The following BBS5 variants were observed in gnomAD, a reference collection of about 807,000 sequenced individuals.
BBS5 encodes the protein Bardet-Biedl syndrome 5, also known as BBSome complex member BBS5.
BBS5 carries 39 observed loss-of-function variants against 50.2 expected under a neutral mutation model. That is an observed-to-expected ratio of 0.78 (90% CI 0.60 to 1.01). BBS5 has a LOEUF of 1.01. Ranked by LOEUF, BBS5 falls within the 50% of genes least tolerant of loss-of-function variation. The pLI is 0.00. For synonymous variants in BBS5, 134 were observed against 133.1 expected, an observed-to-expected ratio of 1.01 and a Z score of -0.05; for missense variants, 356 against 401.5, an observed-to-expected ratio of 0.89 and a Z score of 0.97.
Position 169,493,788 on chromosome 2 carries a change from T to G in BBS5, c.570T>G (p.His190Gln). 1.9e-6 allele frequency: 3 copies of G among 1,613,204 alleles called. No individual in the cohort carries two copies. The East Asian group carries it at 6.7e-5, about 36-fold the overall frequency. ...TTACCAATGTGAGAATTGTGTGGCA[T>G]GCAAATATGAATGATAGTTTTAATG... ...FFITNVRIVW[H>Q]ANMNDSFNVS... Residue 190 changes from histidine (H) to glutamine (Q), a missense_variant, in exon 7 of 12, where the codon CAT becomes CAG. By Grantham distance (24) the His-to-Gln change is conservative. Transcript: ENST00000295240.
At chr2:169,503,313 A>G (rs1235420958) in intron 10 of BBS5, 135 bp downstream of exon 10, 2 of 740,522 alleles carry the variant, frequency 2.7e-6, no homozygotes, top group East Asian at 5.5e-5. Context: ...TGAAGATAAT[A>G]TTTTTAGTGA....
chr2:169,487,171 A>T, intron 3 of BBS5, 37 bp downstream of exon 3: 2 of 1,455,316 alleles, frequency 1.4e-6, no homozygotes, highest in Non-Finnish European at 1.9e-6. Context: ...AAGAAAAAAA[A>T]TCCTTTGTCA....
Position 169,487,770 on chromosome 2 carries a change from A to G in BBS5, c.209-36A>G, listed in dbSNP as rs1683510938. Reference sequence around the variant, plus strand: ...AAAGTATTTTTTCTCAGTGTACCATATCATGCTCTTTACATTCTTTGCTTT... The same window carrying G: ...AAAGTATTTTTTCTCAGTGTACCATGTCATGCTCTTTACATTCTTTGCTTT... On this transcript the variant is annotated intron_variant, in intron 3 of 11. Transcript: ENST00000295240. 3 of 1,525,570 alleles carry G rather than the reference A, an allele frequency of 2.0e-6. No homozygotes were observed. In the East Asian group the frequency reaches 6.8e-5, roughly 34 times the overall value. The allele number at this position is 1,525,570 out of a possible 1,614,324, so 94.5% of individuals were successfully genotyped here.
At chr2:169,504,413 T>G (rs1683863705) in intron 11 of BBS5, 68 bp from the exon 12 acceptor site, 7 of 1,587,886 alleles carry the variant, frequency 4.4e-6, no homozygotes, top group Non-Finnish European at 4.3e-6. Context: ...GAAACCTATT[T>G]TTTTGTTTTT....
At chr2:169,480,029 C>T (rs1451879908) in intron 1 of BBS5, among the ~76,000 whole-genome samples, 1 of 152,164 alleles carries the variant, frequency 6.6e-6, no homozygotes, top group Non-Finnish European at 1.5e-5. Context: ...TGTGTAATAT[C>T]GACCCACAGT....
rs138097217 is a variant in BBS5 at position 169,479,593 on chromosome 2, C to G, written c.40C>G (p.Arg14Gly). 3 of 1,614,028 alleles carry G rather than the reference C, an allele frequency of 1.9e-6. No individual in the cohort carries two copies. Among genetic ancestry groups the G allele is most frequent in the Non-Finnish European group, 2.5e-6 (3 of 1,179,998 alleles). The change falls in exon 1 of 12, where the codon CGT becomes GGT. Residue 14 changes from arginine to glycine, a missense_variant. By Grantham distance (125) the Arg-to-Gly change is moderately radical. Transcript: ENST00000295240. ...LDALWEDRDV[R>G]FDLSAQQMKT... ...TGCGCTTTGGGAGGATCGGGATGTC[C>G]GTTTCGACCTGTCCGCGCAGTGAGT...
chr2:169,495,508 C>T (rs1219559646), intron 7 of BBS5, among the ~76,000 whole-genome samples: 2 of 152,088 alleles, frequency 1.3e-5, no homozygotes, highest in Non-Finnish European at 2.9e-5. Context: ...CATAGTCTAA[C>T]TTCAGCTCTA....
At chr2:169,495,073 C>A (rs1445747928) in intron 7 of BBS5, among the ~76,000 whole-genome samples, 1 of 152,126 alleles carries the variant, frequency 6.6e-6, no homozygotes, top group African/African-American at 2.4e-5. Flanking sequence ...GCTAGAGATA[C>A]AATCATGAAA....
At position 169,497,618 on chromosome 2, in the gene BBS5, T is replaced by C. The variant is rs755143488; in HGVS notation, c.619-9T>C. On this transcript the variant is annotated splice_polypyrimidine_tract_variant and intron_variant, in intron 7 of 11. Coordinates refer to ENST00000295240, the MANE Select transcript of BBS5 (RefSeq NM_152384.3). Reference sequence around the variant, plus strand: ...ACTTGCATGTTTTTCTTTTTCATTTTGTATCTAGCGTTCAATAAAGATTAG... The same window carrying C: ...ACTTGCATGTTTTTCTTTTTCATTTCGTATCTAGCGTTCAATAAAGATTAG... The C allele has an allele frequency of 1.4e-5, 21 of 1,548,424 alleles. No homozygotes were observed. Among genetic ancestry groups the C allele is most frequent in the Middle Eastern group, 1.7e-4 (1 of 5,956 alleles).
At chr2:169,499,429 T>C (rs1683757646) in intron 8 of BBS5, 57 bp from the exon 9 acceptor site, 2 of 1,525,790 alleles carry the variant, frequency 1.3e-6, no homozygotes, top group Non-Finnish European at 1.8e-6. Flanking sequence ...TATCTTATAC[T>C]ATAAATACTG....
chr2:169,494,308 C>T (rs771782374), intron 7 of BBS5, among the ~76,000 whole-genome samples: 7 of 152,140 alleles, frequency 4.6e-5, no homozygotes, highest in Non-Finnish European at 8.8e-5. Context: ...GAATGAACTG[C>T]TTTCATTGTA....
intron 7 of BBS5, among the ~76,000 whole-genome samples, chr2:169,494,813 C>G (rs560061660): frequency 3.3e-5 from 5 of 151,832 alleles, no homozygotes; most frequent in African/African-American, 1.2e-4. Flanking sequence ...TGATAATTGC[C>G]CTTATTGTAG....
chr2:169,505,102 G>C lies in BBS5; in HGVS notation c.*520G>C, dbSNP rs1285935193. ...GCCGAGTGCCTGCGATTACAGGCGC[G>C]CGCCGCCACACCTGACTGGTTTTCG... On this transcript the variant is annotated 3_prime_UTR_variant, in exon 12 of 12. Transcript: ENST00000295240. 1 of 988,152 alleles carries C rather than the reference G, an allele frequency of 1.0e-6. No individual in the cohort carries two copies. Among genetic ancestry groups the C allele is most frequent in the South Asian group, 1.3e-5 (1 of 75,004 alleles). 61.2% of individuals were successfully genotyped at this position (988,152 alleles called of 1,614,324 possible). A position where few individuals can be genotyped will look rare whatever the true frequency, so the allele number is the denominator to read the frequency against.
At chr2:169,492,784 TACTA>T (rs1207127387) in intron 5 of BBS5, 86 bp from the exon 6 acceptor site, 1 of 1,111,532 alleles carries the variant, frequency 9.0e-7, no homozygotes, top group East Asian at 2.6e-5. Context: ...TGTTCATAAA[TACTA>T]ACAACTACAT....
At chr2:169,484,825 CTG>C (rs1489816516) in intron 2 of BBS5, among the ~76,000 whole-genome samples, 1 of 152,014 alleles carries the variant, frequency 6.6e-6, no homozygotes, top group East Asian at 1.9e-4. Flanking sequence ...TATTAAATAG[CTG>C]TGTGAGAATA....
intron 2 of BBS5, among the ~76,000 whole-genome samples, chr2:169,483,808 A>C (rs999405045): frequency 7.9e-5 from 12 of 152,094 alleles, no homozygotes; most frequent in Non-Finnish European, 1.8e-4. Flanking sequence ...AGCTCAGATG[A>C]GAGTGGAGTA....
Position 169,501,724 on chromosome 2 carries a change from A to G in BBS5, c.817-1371A>G, listed in dbSNP as rs560265137. The stretch of plus-strand genomic sequence containing the variant: ...TGCCATTGCACTGCAGCAATGACCT[A>G]TCTCTTAAAGCAAGACCTTATCTCT... On this transcript the variant is annotated intron_variant, in intron 9 of 11. Coordinates refer to ENST00000295240, the MANE Select transcript of BBS5 (RefSeq NM_152384.3). Among the ~76,000 whole-genome samples, 7 of 152,270 alleles carry G rather than the reference A, an allele frequency of 4.6e-5. No individual in the cohort carries two copies. The South Asian group carries it at 6.2e-4, about 14-fold the overall frequency.
At chr2:169,482,618 G>A (rs1683417552) in intron 2 of BBS5, 2 of 383,878 alleles carry the variant, frequency 5.2e-6, no homozygotes, top group Non-Finnish European at 9.7e-6. Flanking sequence ...CTGACCGTTA[G>A]ATCTGTCTTC....
intron 8 of BBS5, 28 bp from the exon 9 acceptor site, chr2:169,499,458 T>C: frequency 4.4e-6 from 7 of 1,584,956 alleles, no homozygotes; most frequent in Non-Finnish European, 6.0e-6. Flanking sequence ...ACTTGTTGGG[T>C]TTTTTTTTAT....
Sources: gnomAD v4.1 joint callset for allele counts (sites outside exome capture counted in the v4.1 genomes callset) on GRCh38, gnomAD v4.1.1 for gene constraint, MANE v1.5 for transcripts, NCBI Gene and HGNC (gene_info 2026-07-23, HGNC 2026-07-21) for gene names.